Variants in AQR observed in about 807,000 individuals in gnomAD.
AQR encodes aquarius intron-binding spliceosomal factor, also known as RNA helicase aquarius.
Under a neutral mutation model 180.5 loss-of-function variants are expected in AQR, and 61 were observed. That is an observed-to-expected ratio of 0.34 (90% CI 0.28 to 0.42). The LOEUF (loss-of-function observed/expected upper bound fraction) is 0.42. Among genes scored for constraint, AQR ranks in the 10% least tolerant of loss-of-function variants. The probability of loss-of-function intolerance (pLI) is 1.00; values close to 1 mark genes in which losing one functional copy is unlikely to be tolerated. For synonymous variants in AQR, 551 were observed against 588.8 expected, an observed-to-expected ratio of 0.94 and a Z score of 0.93; for missense variants, 1,281 against 1,798.3, an observed-to-expected ratio of 0.71 and a Z score of 5.20.
intron 4 of AQR, among the ~76,000 whole-genome samples, chr15:34,950,256 AT>A (rs1457173673): frequency 6.6e-6 from 1 of 151,464 alleles, no homozygotes; most frequent in Non-Finnish European, 1.5e-5. Context: ...CACCCAGCTA[AT>A]TTTTGTATTT....
In AQR at chr15:34,916,612, CA is replaced by C. The variant is rs1305075557; in HGVS notation, c.1343-1434del. Among the ~76,000 whole-genome samples the C allele has an allele frequency of 5.3e-5, 8 of 151,830 alleles. No homozygotes were observed. The East Asian group carries it at 1.5e-3, about 29-fold the overall frequency. On this transcript the variant is annotated intron_variant, in intron 15 of 34. Coordinates refer to ENST00000156471, the MANE Select transcript of AQR (RefSeq NM_014691.3). ...CACTTTGCAACACTCACTGAATTAA[CA>C]AATCTAGGTGTTAAATATCTATAGC...
intron 19 of AQR, 57 bp from the exon 20 acceptor site, chr15:34,900,920 C>T: frequency 6.6e-7 from 1 of 1,526,102 alleles, no homozygotes; most frequent in Non-Finnish European, 8.8e-7. Context: ...AACATTTGCA[C>T]TTACTGGAAT....
intron 13 of AQR, 72 bp from the exon 14 acceptor site, chr15:34,920,506 A>T (rs1272833353): frequency 8.6e-6 from 10 of 1,165,294 alleles, no homozygotes; most frequent in Non-Finnish European, 1.2e-5. Flanking sequence ...GTATTTTTAC[A>T]AATAGCTTAA....
chr15:34,959,493 C>T (rs1275432850), intron 3 of AQR, among the ~76,000 whole-genome samples: 3 of 152,078 alleles, frequency 2.0e-5, no homozygotes, highest in Non-Finnish European at 2.9e-5. Flanking sequence ...GAGCTATACA[C>T]CTGGATATCC....
chr15:34,901,256 C>T (rs986394250), intron 19 of AQR, among the ~76,000 whole-genome samples: 7 of 152,086 alleles, frequency 4.6e-5, no homozygotes, highest in Admixed American at 6.6e-5. Context: ...GGAATTTTTC[C>T]CTCTTTATAT....
intron 32 of AQR, among the ~76,000 whole-genome samples, chr15:34,863,664 A>C (rs1892701695): frequency 1.3e-5 from 2 of 152,166 alleles, no homozygotes; most frequent in African/African-American, 4.8e-5. Flanking sequence ...CTCAATGTTC[A>C]TATCAACAGT....
At chr15:34,952,320 T>C in intron 4 of AQR, among the ~76,000 whole-genome samples, 1 of 152,246 alleles carries the variant, frequency 6.6e-6, no homozygotes, top group East Asian at 1.9e-4. Context: ...GTGAGTACTC[T>C]GTATGTAAAA....
At chr15:34,937,080 C>T (rs1466944341) in intron 9 of AQR, among the ~76,000 whole-genome samples, 1 of 152,122 alleles carries the variant, frequency 6.6e-6, no homozygotes, top group Non-Finnish European at 1.5e-5. Context: ...TTCTGTCACC[C>T]AGGCTGGAGT....
At chr15:34,899,290 G>A (rs536400550) in intron 20 of AQR, among the ~76,000 whole-genome samples, 8 of 152,280 alleles carry the variant, frequency 5.3e-5, no homozygotes, top group South Asian at 2.1e-4. Flanking sequence ...TGCAGGAGTA[G>A]AAAAATGTCT....
At chr15:34,952,189 T>C (rs553821975) in intron 4 of AQR, among the ~76,000 whole-genome samples, 3 of 152,284 alleles carry the variant, frequency 2.0e-5, no homozygotes, top group Admixed American at 2.0e-4. Flanking sequence ...ACCATGAGCT[T>C]TGGCATCAGA....
intron 34 of AQR, 65 bp from the exon 35 acceptor site, chr15:34,857,171 C>A (rs1892598806): frequency 7.0e-7 from 1 of 1,421,580 alleles, no homozygotes; most frequent in South Asian, 1.5e-5. Context: ...GCTAAGCTCT[C>A]ACATTACCAT....
intron 29 of AQR, chr15:34,874,241 A>C (rs1892861724): frequency 5.3e-6 from 2 of 379,762 alleles, no homozygotes; most frequent in East Asian, 8.9e-5. Context: ...GGTCAATGCT[A>C]TCTTTATCCC....
intron 32 of AQR, among the ~76,000 whole-genome samples, chr15:34,864,412 C>T (rs558004295): frequency 1.3e-5 from 2 of 152,222 alleles, no homozygotes; most frequent in African/African-American, 2.4e-5. Context: ...TTGTGACATA[C>T]TGGATTCATG....
At chr15:34,869,137 A>G in intron 31 of AQR, 1 of 152,092 alleles carries the variant, frequency 6.6e-6, no homozygotes, top group East Asian at 1.9e-4. Context: ...CCAGTTCTAG[A>G]GTTTCAGTTG....
chr15:34,888,148 A>C lies in AQR; in HGVS notation c.2682-1487T>G, dbSNP rs181943404. Among the ~76,000 whole-genome samples the C allele has an allele frequency of 5.6e-3, 855 of 151,952 alleles. 2 individuals carry two copies. Among genetic ancestry groups the C allele is most frequent in the Middle Eastern group, 0.01 (3 of 292 alleles). On this transcript the variant is annotated intron_variant, in intron 24 of 34. Transcript: ENST00000156471. ...CCCCGTCTCTACTAAAAATACAAAC[A>C]TTAGCCAGGTGTGGTGGTGGGCGCC...
intron 3 of AQR, among the ~76,000 whole-genome samples, chr15:34,960,549 C>T (rs2050269759): frequency 6.6e-6 from 1 of 152,080 alleles, no homozygotes; most frequent in Admixed American, 6.6e-5. Flanking sequence ...CCATCTAAAT[C>T]CAAATAAACC....
intron 1 of AQR, among the ~76,000 whole-genome samples, chr15:34,967,811 C>A (rs1379875298): frequency 6.6e-6 from 1 of 151,280 alleles, no homozygotes; most frequent in Non-Finnish European, 1.5e-5. Context: ...TTAAAGATTT[C>A]TTTTTTTTTG....
At chr15:34,878,429 G>C (rs1232760816) in intron 27 of AQR, among the ~76,000 whole-genome samples, 1 of 117,638 alleles carries the variant, frequency 8.5e-6, no homozygotes, top group Non-Finnish European at 1.8e-5. Context: ...CTCATAAAAA[G>C]ATCTAGTTGT....
At chr15:34,875,010 A>T (rs1892871501) in intron 28 of AQR, 146 bp from the exon 29 acceptor site, 3 of 716,278 alleles carry the variant, frequency 4.2e-6, no homozygotes, top group Non-Finnish European at 6.7e-6. Flanking sequence ...GGAGTCTAGC[A>T]AATTTACAGA....
Sources: allele counts gnomAD v4.1 joint callset (sites outside exome capture counted in the v4.1 genomes callset), GRCh38; gene constraint gnomAD v4.1.1; transcripts MANE v1.5; gene names NCBI Gene and HGNC (gene_info 2026-07-23, HGNC 2026-07-21).